The following ECE1 variants were observed in gnomAD, a reference collection of about 807,000 sequenced individuals.
The protein encoded by ECE1 is endothelin-converting enzyme 1.
A neutral mutation model predicts 98.6 loss-of-function variants in ECE1; 35 were observed. That is an observed-to-expected ratio of 0.35 (90% CI 0.27 to 0.47). ECE1 has a LOEUF of 0.47. ECE1 is among the 20% of genes least tolerant of loss of function. The pLI is 1.00. For synonymous variants in ECE1, 394 were observed against 407.1 expected (o/e 0.97, Z 0.39); for missense variants, 814 against 1,025.3 (o/e 0.79, Z 2.81).
intron 2 of ECE1, among the ~76,000 whole-genome samples, chr1:21,282,947 T>A (rs2098256555): frequency 6.7e-6 from 1 of 148,540 alleles, no homozygotes; most frequent in Non-Finnish European, 1.5e-5. Flanking sequence ...ATTTTTTTTT[T>A]TTTTTTTTTT....
rs2098219561 is a variant in ECE1 at position 21,256,082 on chromosome 1, C to A, written c.885G>T (p.Gly295=). 1 of 1,610,026 alleles carries A rather than the reference C, an allele frequency of 6.2e-7. No homozygotes were observed. The highest frequency in any genetic ancestry group is 1.3e-5 in the African/African-American group (1 of 75,012). ...MVQLGKLLGG[G]DEEAIRPQMQ... is the part of the protein sequence containing the mutation. ...TCTGGGGCCGGATGGCCTCCTCGTC[C>A]CCGCCGCCCAGCAGCTTCCCCAGCT... The change falls in exon 8 of 19, where the codon GGG becomes GGT. Residue 295 remains glycine, a synonymous_variant. Coordinates refer to ENST00000374893, the MANE Select transcript of ECE1 (RefSeq NM_001397.3).
chr1:21,220,091 C>A lies in ECE1; in HGVS notation c.2177G>T (p.Gly726Val). The change falls in exon 19 of 19, where the codon GGC (glycine) becomes GTC (valine). Residue 726 changes from glycine (G) to valine (V), a missense_variant. By Grantham distance (109) the Gly-to-Val change is moderately radical. This residue lies in a region of ECE1 where 452 missense variants were observed against 567.3 expected (regional missense o/e 0.80). Transcript: ENST00000374893. The surrounding 1 kb of genome is among the most constrained non-coding windows in gnomAD (Gnocchi z 5.0). ...SVRTPESSHE[G>V]LITDPHSPSR... ...GGGGCTGTGGGGATCGGTGATGAGG[C>A]CTTCGTGGGAGCTCTCAGGTGTGCG... is the stretch of plus-strand genomic sequence containing the variant. The A allele has an allele frequency of 2.5e-6, 4 of 1,613,928 alleles. No individual in the cohort carries two copies. The highest frequency in any genetic ancestry group is 3.4e-6 in the Non-Finnish European group (4 of 1,179,874).
At chr1:21,273,055 C>T (rs896082519) in intron 3 of ECE1, 144 bp from the exon 4 acceptor site, 2 of 822,530 alleles carry the variant, frequency 2.4e-6, no homozygotes, top group Non-Finnish European at 4.0e-6. Context: ...TCACTAGACC[C>T]CTACAGAGAA....
intron 4 of ECE1, 82 bp downstream of exon 4, chr1:21,272,617 C>G: frequency 6.5e-7 from 1 of 1,541,244 alleles, no homozygotes; most frequent in Non-Finnish European, 8.9e-7. Context: ...CTCCTTTAAG[C>G]AGGCGCAGCT....
intron 8 of ECE1, among the ~76,000 whole-genome samples, chr1:21,249,860 G>A (rs548793003): frequency 2.6e-5 from 4 of 151,874 alleles, no homozygotes; most frequent in South Asian, 2.1e-4. Context: ...TGCAACCTCC[G>A]CCTCCCGGGT....
chr1:21,223,069 G>A (rs2098169538), intron 17 of ECE1, among the ~76,000 whole-genome samples: 1 of 151,186 alleles, frequency 6.6e-6, no homozygotes, highest in Admixed American at 6.6e-5. Flanking sequence ...CCACCTCCTA[G>A]GCTCAAGCGA....
chr1:21,243,391 T>C (rs888554171), intron 10 of ECE1, among the ~76,000 whole-genome samples: 8 of 124,920 alleles, frequency 6.4e-5, no homozygotes, highest in Admixed American at 2.3e-4. Context: ...AATAAACACA[T>C]AAATATATTA....
chr1:21,318,293 G>A (rs1396972476), intron 1 of ECE1, among the ~76,000 whole-genome samples: 1 of 152,202 alleles, frequency 6.6e-6, no homozygotes, highest in East Asian at 1.9e-4. Context: ...CGTTCCTGAG[G>A]GCCCAAGGAC....
At chr1:21,251,964 C>T (rs1262447896) in intron 8 of ECE1, among the ~76,000 whole-genome samples, 1 of 152,216 alleles carries the variant, frequency 6.6e-6, no homozygotes, top group Non-Finnish European at 1.5e-5. Context: ...ACTACAAAAA[C>T]TGGAGCTGTG....
At chr1:21,279,392 G>A in intron 2 of ECE1, 60 bp from the exon 3 acceptor site, 1 of 1,613,066 alleles carries the variant, frequency 6.2e-7, no homozygotes, top group East Asian at 2.2e-5. Flanking sequence ...CGCTTCCCTT[G>A]GAGGAAGGGG....
At chr1:21,329,929 T>C (rs1293443883) in intron 1 of ECE1, among the ~76,000 whole-genome samples, 1 of 152,124 alleles carries the variant, frequency 6.6e-6, no homozygotes, top group Non-Finnish European at 1.5e-5. Flanking sequence ...GGCTAGGCCT[T>C]GTAGGGCAGC....
chr1:21,220,236 C>T lies in ECE1; in HGVS notation c.2137-105G>A. ...GGAGGCCAGGTGCGGTGGCTCACAC[C>T]TGTAATCCCAGCACTTTGGGAGCCA... On this transcript the variant is annotated intron_variant, in intron 18 of 18. Transcript: ENST00000374893. This position sits in a 1 kb window ranked among gnomAD's most constrained non-coding sequence, Gnocchi z 5.0. The T allele has an allele frequency of 7.6e-7, 1 of 1,312,938 alleles. No individual in the cohort carries two copies. The allele number at this position is 1,312,938 out of a possible 1,614,324, so 81.3% of individuals were successfully genotyped here.
intron 1 of ECE1, among the ~76,000 whole-genome samples, chr1:21,326,478 A>T (rs1639080703): frequency 6.6e-6 from 1 of 152,098 alleles, no homozygotes; most frequent in Non-Finnish European, 1.5e-5. Context: ...CAGGGAGAAG[A>T]AGGTGCCTAA....
At chr1:21,278,442 A>T (rs575195365) in intron 3 of ECE1, among the ~76,000 whole-genome samples, 2 of 152,250 alleles carry the variant, frequency 1.3e-5, no homozygotes, top group Non-Finnish European at 2.9e-5. Flanking sequence ...CTGGAAGGGC[A>T]GCTCTCCTGG....
rs3026811 is a variant in ECE1 at position 21,342,232 on chromosome 1, A to G, written c.3+3144T>C. On this transcript the variant is annotated intron_variant, in intron 1 of 18. Coordinates refer to the ECE1 transcript ENST00000415912. The stretch of plus-strand genomic sequence containing the variant: ...AACATTCTCAAGGTGCCACAGCTGC[A>G]GATGGGGGATGATGGGTTGGGTCTC... Among the ~76,000 whole-genome samples the G allele has an allele frequency of 9.3e-3, 1,420 of 152,294 alleles. 17 individuals are homozygous for G. Among genetic ancestry groups the G allele is most frequent in the African/African-American group, 0.031 (1,306 of 41,552 alleles).
At chr1:21,308,500 T>G (rs1638645639) in intron 1 of ECE1, among the ~76,000 whole-genome samples, 1 of 152,082 alleles carries the variant, frequency 6.6e-6, no homozygotes, top group Non-Finnish European at 1.5e-5. Context: ...CCAGGAGGCC[T>G]GAGGGAGCTC....
intron 4 of ECE1, among the ~76,000 whole-genome samples, chr1:21,264,743 T>C (rs1055380936): frequency 1.5e-4 from 23 of 152,226 alleles, no homozygotes; most frequent in African/African-American, 5.5e-4. Flanking sequence ...AGACTAAGAA[T>C]AGCAACAGAC....
At chr1:21,270,119 C>T (rs2098238583) in intron 4 of ECE1, among the ~76,000 whole-genome samples, 1 of 152,344 alleles carries the variant, frequency 6.6e-6, no homozygotes, top group South Asian at 2.1e-4. Context: ...CACTGTCCTG[C>T]CCCATCCCCT....
intron 10 of ECE1, among the ~76,000 whole-genome samples, chr1:21,241,868 G>A (rs893899779): frequency 5.9e-5 from 9 of 152,212 alleles, no homozygotes; most frequent in African/African-American, 1.7e-4. Flanking sequence ...TGATCGATCT[G>A]ACCGGTCAGG....
Sources: gnomAD v4.1 joint callset for allele counts (sites outside exome capture counted in the v4.1 genomes callset) on GRCh38, gnomAD v4.1.1 for gene constraint, gnomAD v4.1.1 regional missense constraint, Gnocchi (gnomAD v3.1) non-coding constraint, MANE v1.5 for transcripts, NCBI Gene and HGNC (gene_info 2026-07-23, HGNC 2026-07-21) for gene names.